The following SPG11 variants were observed in gnomAD, a reference collection of about 807,000 sequenced individuals.
SPG11 encodes SPG11 vesicle trafficking associated, spatacsin.
In SPG11, 222 loss-of-function variants were observed where a neutral mutation model predicts 274.0. The observed-to-expected ratio is 0.81, with a 90% CI of 0.73 to 0.91. The LOEUF is 0.91. SPG11 is among the 40% of genes least tolerant of loss of function. SPG11 has a pLI of 0.00. For missense variants in SPG11, 3,114 were observed against 2,872.7 expected (o/e 1.08, Z -1.92); for synonymous variants, 1,144 against 1,039.7 (o/e 1.10, Z -1.93).
At chr15:44,615,295 T>C in intron 16 of SPG11, 68 bp downstream of exon 16, 1 of 1,460,338 alleles carries the variant, frequency 6.8e-7, no homozygotes, top group Non-Finnish European at 9.6e-7. Context: ...AAAAGTCACA[T>C]TCAGGAGTCA....
At chr15:44,595,515 AAT>A (rs2083013626) in intron 25 of SPG11, 56 bp from the exon 26 acceptor site, 3 of 1,521,922 alleles carry the variant, frequency 2.0e-6, no homozygotes, top group Non-Finnish European at 2.7e-6. Flanking sequence ...CAAATGTACA[AAT>A]ACTACAGATG....
At chr15:44,588,787 C>T (rs1357289884) in intron 28 of SPG11, 2 of 291,980 alleles carry the variant, frequency 6.8e-6, no homozygotes, top group Non-Finnish European at 1.4e-5. Flanking sequence ...ATGTTAATTA[C>T]CGTCTAATGG....
intron 20 of SPG11, among the ~76,000 whole-genome samples, chr15:44,602,124 C>A (rs1391906360): frequency 6.6e-6 from 1 of 152,092 alleles, no homozygotes; most frequent in Non-Finnish European, 1.5e-5. Flanking sequence ...CTGGTAGAGT[C>A]TTTAGGATTT....
chr15:44,601,564 T>TA (rs1344602362), intron 20 of SPG11, among the ~76,000 whole-genome samples: 1 of 151,642 alleles, frequency 6.6e-6, no homozygotes, highest in East Asian at 1.9e-4. Context: ...CTTCTTTTTT[T>TA]TTTTTTTTTT....
At chr15:44,583,229 C>T (rs944193588) in intron 30 of SPG11, among the ~76,000 whole-genome samples, 1 of 152,190 alleles carries the variant, frequency 6.6e-6, no homozygotes, top group Non-Finnish European at 1.5e-5. Flanking sequence ...CCTATAATCT[C>T]GGCACTTTGG....
At chr15:44,638,500 A>AC (rs11479753) in intron 7 of SPG11, among the ~76,000 whole-genome samples, 7,056 of 129,000 alleles carry the variant, frequency 0.055, 479 homozygotes, top group African/African-American at 0.18. Context: ...AAACCACAAA[A>AC]CCCCCCCCCC....
chr15:44,588,253 C>T (rs918310586), intron 28 of SPG11, among the ~76,000 whole-genome samples: 8 of 151,478 alleles, frequency 5.3e-5, no homozygotes, highest in Non-Finnish European at 1.2e-4. Flanking sequence ...TTGAGTCAAT[C>T]AGCAACAAGT....
In SPG11 at chr15:44,589,327, G is replaced by A; in HGVS notation, c.4831C>T (p.Gln1611Ter). Reference sequence around the variant, plus strand: ...AGCTCATACTGGGTCTTACACTGCTGTAGCATAAGCTTCAAAAGGAAACAC... The same window carrying A: ...AGCTCATACTGGGTCTTACACTGCTATAGCATAAGCTTCAAAAGGAAACAC... ...QVCFLLKLML[Q>*]QCKTQYELGK... Residue 1611 changes from glutamine (Q) to a stop codon, truncating the protein, a stop_gained, in exon 28 of 40, where the codon CAG becomes TAG. Transcript: ENST00000261866. LOFTEE classifies it high-confidence loss of function. The A allele has an allele frequency of 1.2e-6, 2 of 1,614,166 alleles. No homozygotes were observed. Among genetic ancestry groups the A allele is most frequent in the Non-Finnish European group, 1.7e-6 (2 of 1,179,998 alleles).
intron 28 of SPG11, among the ~76,000 whole-genome samples, chr15:44,586,456 A>G (rs1046976729): frequency 6.6e-6 from 1 of 151,942 alleles, no homozygotes; most frequent in Admixed American, 6.6e-5. Context: ...AGCCTGGCCA[A>G]TATGGTGAAA....
At chr15:44,583,043 A>G (rs1468039713) in intron 30 of SPG11, among the ~76,000 whole-genome samples, 1 of 152,134 alleles carries the variant, frequency 6.6e-6, no homozygotes, top group East Asian at 1.9e-4. Context: ...AGAACAAGAA[A>G]TAAAAGGCAT....
Position 44,657,107 on chromosome 15 carries a change from TTTAAG to T in SPG11, c.852_856del (p.Asn284LysfsTer14), listed in dbSNP as rs1595935001. On this transcript the variant is annotated frameshift_variant, in exon 4 of 40. Transcript: ENST00000261866. LOFTEE classifies it high-confidence loss of function. ...GTCATCTACATACCTGAAATACAAA[TTTAAG>T]TTAAGAGCAACTGCGGAGTTGGAGG... 2.5e-6 allele frequency: 4 copies of T among 1,613,942 alleles called. No homozygotes were observed. The highest frequency in any genetic ancestry group is 3.4e-6 in the Non-Finnish European group (4 of 1,179,906).
chr15:44,608,419 A>C, intron 19 of SPG11, 25 bp downstream of exon 19: 1 of 1,612,890 alleles, frequency 6.2e-7, no homozygotes, highest in Non-Finnish European at 8.5e-7. Flanking sequence ...GATAGACCTA[A>C]ATATTGGCCA....
chr15:44,572,850 G>A (rs759412568), intron 32 of SPG11, 30 bp from the exon 33 acceptor site: 1 of 1,613,548 alleles, frequency 6.2e-7, no homozygotes, highest in Non-Finnish European at 8.5e-7. Context: ...GACAGGTGCT[G>A]GTTTTATCTA....
chr15:44,600,171 A>C (rs111347106), intron 21 of SPG11: 2 of 283,532 alleles, frequency 7.1e-6, no homozygotes, highest in African/African-American at 4.3e-5. Flanking sequence ...AAACAACAAT[A>C]ATCACCATCC....
rs1374633202 is a variant in SPG11 at position 44,622,878 on chromosome 15, G to T, written c.2245-79C>A. 2.4e-5 allele frequency: 23 copies of T among 971,942 alleles called. No homozygotes were observed. In the Admixed American group the frequency reaches 3.9e-4, roughly 16 times the overall value. The allele number at this position is 971,942 out of a possible 1,614,324, so 60.2% of individuals were successfully genotyped here. A position where few individuals can be genotyped will look rare whatever the true frequency, so the allele number is the denominator to read the frequency against. ...TGAACATAAATATGTGTTAGATACA[G>T]AAACACCCTATTATAAACATCTATC... On this transcript the variant is annotated intron_variant, in intron 11 of 39. Transcript: ENST00000261866.
At chr15:44,597,549 G>A (rs906351869) in intron 23 of SPG11, among the ~76,000 whole-genome samples, 7 of 152,196 alleles carry the variant, frequency 4.6e-5, no homozygotes, top group Non-Finnish European at 1.0e-4. Context: ...TGAGGAAGTT[G>A]TCAGTCAAGA....
chr15:44,572,204 A>G (rs980384304), intron 33 of SPG11, among the ~76,000 whole-genome samples: 2 of 152,264 alleles, frequency 1.3e-5, no homozygotes, highest in Non-Finnish European at 2.9e-5. Context: ...TTCATAAAGT[A>G]AAAAAATTAT....
At chr15:44,659,007 C>T in intron 3 of SPG11, 72 bp downstream of exon 3, 1 of 1,454,042 alleles carries the variant, frequency 6.9e-7, no homozygotes, top group Admixed American at 1.7e-5. Context: ...AAAACTAAAG[C>T]CTAAAAAGGC....
chr15:44,575,136 G>A (rs1490623219), intron 30 of SPG11, 95 bp from the exon 31 acceptor site: 7 of 1,475,628 alleles, frequency 4.7e-6, no homozygotes, highest in South Asian at 1.2e-5. Context: ...GAAGCTCCCT[G>A]CACTGCACTC....
Sources: gnomAD v4.1 joint callset for allele counts (sites outside exome capture counted in the v4.1 genomes callset) on GRCh38, gnomAD v4.1.1 for gene constraint, MANE v1.5 for transcripts, NCBI Gene and HGNC (gene_info 2026-07-23, HGNC 2026-07-21) for gene names.